Variants in TOGARAM2 observed in about 807,000 individuals in gnomAD.
TOGARAM2 encodes TOG array regulator of axonemal microtubules protein 2.
A neutral mutation model predicts 93.3 loss-of-function variants in TOGARAM2; 85 were observed. The observed-to-expected ratio is 0.91, with a 90% CI of 0.76 to 1.09. The LOEUF is 1.09. Among genes scored for constraint, TOGARAM2 ranks in the 50% least tolerant of loss-of-function variants. The probability of loss-of-function intolerance (pLI) is 0.00; values close to 1 mark genes in which losing one functional copy is unlikely to be tolerated. For synonymous variants in TOGARAM2, 593 were observed against 552.8 expected, an observed-to-expected ratio of 1.07 and a Z score of -1.02; for missense variants, 1,277 against 1,334.5, an observed-to-expected ratio of 0.96 and a Z score of 0.67.
chr2:28,981,737 A>T (rs1244327153), intron 1 of TOGARAM2, among the ~76,000 whole-genome samples, 199 bp downstream of exon 1: 1 of 152,200 alleles, frequency 6.6e-6, no homozygotes, highest in East Asian at 1.9e-4. Context: ...CTGGGCCTTC[A>T]TGTGGCAGCT....
At chr2:28,980,064 G>A (rs541586829), upstream of TOGARAM2, among the ~76,000 whole-genome samples, 67 of 152,316 alleles carry the variant, frequency 4.4e-4, no homozygotes, top group African/African-American at 1.5e-3. Context: ...GTCTCCCAAG[G>A]GGAATCCGCA....
At chr2:29,034,381 G>T (rs1312842628) in intron 16 of TOGARAM2, among the ~76,000 whole-genome samples, 2 of 152,202 alleles carry the variant, frequency 1.3e-5, no homozygotes, top group Non-Finnish European at 2.9e-5. Flanking sequence ...TGTCCTCAGG[G>T]TGACAGGCTG....
At chr2:28,986,382 A>T (rs1672471726) in intron 1 of TOGARAM2, among the ~76,000 whole-genome samples, 2 of 152,058 alleles carry the variant, frequency 1.3e-5, no homozygotes, top group Admixed American at 6.6e-5. Flanking sequence ...AGATACCCAC[A>T]CTGAGCTGCT....
At chr2:28,995,530 G>A (rs906795484) in intron 2 of TOGARAM2, among the ~76,000 whole-genome samples, 2 of 152,226 alleles carry the variant, frequency 1.3e-5, no homozygotes, top group South Asian at 2.1e-4. Flanking sequence ...CCGGGGCTTC[G>A]ACATATGAAT....
chr2:28,967,798 CTTTTT>C (rs11417570), intron 1 of TOGARAM2, among the ~76,000 whole-genome samples: 1 of 78,538 alleles, frequency 1.3e-5, no homozygotes, highest in Non-Finnish European at 2.2e-5. Context: ...ATAAGATGGT[CTTTTT>C]TTTTTTTTTT....
At chr2:28,984,158 C>G (rs1672359200) in intron 1 of TOGARAM2, among the ~76,000 whole-genome samples, 1 of 152,020 alleles carries the variant, frequency 6.6e-6, no homozygotes, top group South Asian at 2.1e-4. Context: ...CTGAGTTTCC[C>G]ATTTCGTGTT....
chr2:28,994,752 C>G lies in TOGARAM2; in HGVS notation c.-83C>G. On this transcript the variant is annotated 5_prime_UTR_variant, in exon 2 of 20. Transcript: ENST00000379558. ...CCCGGATGTTACAGGTCAGAGCCCT[C>G]CAGACCCCCAAGGACTGTACTCACT... is the stretch of plus-strand genomic sequence containing the variant. 2.8e-6 allele frequency: 4 copies of G among 1,451,326 alleles called. No homozygotes were observed. In the Admixed American group the frequency reaches 7.9e-5, roughly 29 times the overall value. The allele number at this position is 1,451,326 out of a possible 1,614,324, so 89.9% of individuals were successfully genotyped here.
chr2:29,017,798 T>A lies in TOGARAM2; in HGVS notation c.1202T>A (p.Leu401His), dbSNP rs189231684. ...ACTTTCTCTGTGTCCACAGGCCTCC[T>A]TCCCCTCCGGGGCAGCGGGACACTG... Reference protein sequence around the residue: ...SQRAFMKEGLLPLRGSGTLSV... With the variant: ...SQRAFMKEGLHPLRGSGTLSV... The change falls in exon 10 of 20, where the codon CTT (leucine) becomes CAT (histidine). Residue 401 changes from leucine (L) to histidine (H), a missense_variant. Coordinates refer to ENST00000379558, the MANE Select transcript of TOGARAM2 (RefSeq NM_199280.4). 1 of 1,608,548 alleles carries A rather than the reference T, an allele frequency of 6.2e-7. No individual in the cohort carries two copies. The highest frequency in any genetic ancestry group is 2.2e-5 in the East Asian group (1 of 44,572).
rs1335119542 is a variant in TOGARAM2, at chr2:29,026,729, G to T, written c.1854-124G>T. The T allele has an allele frequency of 3.7e-6, 4 of 1,072,730 alleles. No homozygotes were observed. The African/African-American group carries it at 4.9e-5, about 13-fold the overall frequency. The allele number at this position is 1,072,730 out of a possible 1,614,324, so 66.5% of individuals were successfully genotyped here. A position where few individuals can be genotyped will look rare whatever the true frequency, so the allele number is the denominator to read the frequency against. On this transcript the variant is annotated intron_variant, in intron 13 of 19. Transcript: ENST00000379558. ...ATTCCCCTCAGCTCACATGGGGACA[G>T]GTATTTTTGGAGCCCCTGGCTGGCA...
At chr2:29,018,713 C>T (rs964696268) in intron 10 of TOGARAM2, 1 of 152,054 alleles carries the variant, frequency 6.6e-6, no homozygotes, top group Non-Finnish European at 1.5e-5. Context: ...GAATTTGGTG[C>T]TAGTCTTTAG....
At chr2:29,008,829 C>G (rs767958524) in intron 6 of TOGARAM2, among the ~76,000 whole-genome samples, 1 of 152,236 alleles carries the variant, frequency 6.6e-6, no homozygotes, top group Non-Finnish European at 1.5e-5. Context: ...ATGTCAAAAA[C>G]CTCTGTGGCT....
chr2:29,001,746 G>A (rs534347447), intron 4 of TOGARAM2, among the ~76,000 whole-genome samples: 4 of 152,156 alleles, frequency 2.6e-5, no homozygotes, highest in Admixed American at 6.5e-5. Context: ...TCCCGTTCTC[G>A]GCCTCCCAAA....
rs1673097614 is a variant in TOGARAM2, at chr2:28,998,256, G to C, written c.139+3G>C. 6.2e-7 allele frequency: 1 copy of C among 1,605,462 alleles called. No homozygotes were observed. The highest frequency in any genetic ancestry group is 8.5e-7 in the Non-Finnish European group (1 of 1,175,562). On this transcript the variant is annotated splice_donor_region_variant and intron_variant, in intron 3 of 19. Transcript: ENST00000379558. ...CTCCAGTCTGCCTCATGGAGAAGGT[G>C]AGATGGGAAGACCTCACCTGGTCAG...
At chr2:29,002,102 G>A (rs1183469761) in intron 4 of TOGARAM2, among the ~76,000 whole-genome samples, 1 of 152,150 alleles carries the variant, frequency 6.6e-6, no homozygotes, top group Non-Finnish European at 1.5e-5. Flanking sequence ...ATCACCAGCC[G>A]AAAAGGAAGG....
At chr2:29,051,069 CG>C in intron 19 of TOGARAM2, 2 of 152,388 alleles carry the variant, frequency 1.3e-5, no homozygotes, top group Non-Finnish European at 2.9e-5. Flanking sequence ...ATCCGGGCAC[CG>C]GGGAGGCTGT....
At chr2:28,991,772 T>C (rs938778465) in intron 1 of TOGARAM2, among the ~76,000 whole-genome samples, 5 of 152,202 alleles carry the variant, frequency 3.3e-5, no homozygotes, top group Non-Finnish European at 5.9e-5. Flanking sequence ...TTTTGTTCCC[T>C]TTCCACTTGA....
At chr2:29,036,115 G>A (rs1005638125) in intron 17 of TOGARAM2, among the ~76,000 whole-genome samples, 2 of 152,122 alleles carry the variant, frequency 1.3e-5, no homozygotes, top group African/African-American at 4.8e-5. Flanking sequence ...ACACAGCTGA[G>A]CAAAGACACA....
Position 29,004,923 on chromosome 2 carries a change from T to C in TOGARAM2, c.830+1241T>C, listed in dbSNP as rs546683773. Among the ~76,000 whole-genome samples the C allele has an allele frequency of 3.8e-3, 402 of 105,106 alleles. 9 individuals carry two copies. The highest frequency in any genetic ancestry group is 6.8e-3 in the Non-Finnish European group (345 of 51,034). The allele number at this position is 105,106 out of a possible 152,430, so 69.0% of individuals were successfully genotyped here. On this transcript the variant is annotated intron_variant, in intron 6 of 19. Transcript: ENST00000379558. ...GAGTGCATGTGTGTGCATGTGTACG[T>C]GTGTGAGTGCATGTGTGTGCATGTG... is the stretch of plus-strand genomic sequence containing the variant.
rs544448345 is a variant in TOGARAM2 at position 28,987,833 on chromosome 2, G to A, written c.-111+6295G>A. On this transcript the variant is annotated intron_variant, in intron 1 of 19. Coordinates refer to ENST00000379558, the MANE Select transcript of TOGARAM2 (RefSeq NM_199280.4). ...AGCTGGTAAAGAGTTGTGGTGGGGG[G>A]CTTCTCATCTGCGAACGGCCTTTCT... Among the ~76,000 whole-genome samples, 6 of 152,346 alleles carry A rather than the reference G, an allele frequency of 3.9e-5. No homozygotes were observed. In the South Asian group the frequency reaches 1.2e-3, roughly 32 times the overall value.
Sources: gnomAD v4.1 joint callset for allele counts (sites outside exome capture counted in the v4.1 genomes callset) on GRCh38, gnomAD v4.1.1 for gene constraint, MANE v1.5 for transcripts, NCBI Gene and HGNC (gene_info 2026-07-23, HGNC 2026-07-21) for gene names.